The following PITPNM3 variants were observed in gnomAD, a reference collection of about 807,000 sequenced individuals.
PITPNM3 encodes the protein PITPNM family member 3.
In PITPNM3, 26 loss-of-function variants were observed where a neutral mutation model predicts 102.0. The ratio of observed to expected loss-of-function variants is 0.25; its 90% CI spans 0.19 to 0.35. PITPNM3 has a LOEUF of 0.35. Ranked by LOEUF, PITPNM3 falls within the 10% of genes least tolerant of loss-of-function variation. The pLI, the probability that PITPNM3 is intolerant of heterozygous loss-of-function variation, is 1.00. For missense variants in PITPNM3, 1,083 were observed against 1,346.1 expected (o/e 0.80, Z 3.06); for synonymous variants, 578 against 558.6 (o/e 1.03, Z -0.49).
chr17:6,538,789 C>T (rs1375513030), intron 1 of PITPNM3, among the ~76,000 whole-genome samples: 1 of 152,192 alleles, frequency 6.6e-6, no homozygotes, highest in African/African-American at 2.4e-5. Flanking sequence ...ATTGGAGGAG[C>T]CCACCTGGCC....
At chr17:6,501,693 C>G (rs1305099763) in intron 4 of PITPNM3, among the ~76,000 whole-genome samples, 1 of 152,182 alleles carries the variant, frequency 6.6e-6, no homozygotes, top group African/African-American at 2.4e-5. Flanking sequence ...TCTGCAGCCA[C>G]TCTGCAAGCT....
In PITPNM3 at chr17:6,517,091, A is replaced by G. The variant is rs528015367; in HGVS notation, c.226+8265T>C. Among the ~76,000 whole-genome samples the G allele has an allele frequency of 6.6e-6, 1 of 152,358 alleles. No homozygotes were observed. Among genetic ancestry groups the G allele is most frequent in the African/African-American group, 2.4e-5 (1 of 41,584 alleles). On this transcript the variant is annotated intron_variant, in intron 3 of 19. Coordinates refer to ENST00000262483, the MANE Select transcript of PITPNM3 (RefSeq NM_031220.4). This position sits in a 1 kb window ranked among gnomAD's most constrained non-coding sequence, Gnocchi z 4.1. ...GAGCAAGCAAAATAAAGACATGTTT[A>G]GCAATGCAAGGACCTAGAAAATTGC...
intron 18 of PITPNM3, 37 bp downstream of exon 18, chr17:6,461,336 C>T (rs1369605662): frequency 1.2e-6 from 2 of 1,605,394 alleles, no homozygotes; most frequent in South Asian, 2.2e-5. Context: ...GCTGCGCTCT[C>T]AAGCCATGGA....
chr17:6,457,745 G>T lies in PITPNM3; in HGVS notation c.2491-23C>A, dbSNP rs374737546. 7.3e-5 allele frequency: 114 copies of T among 1,566,384 alleles called. No individual in the cohort carries two copies. In the African/African-American group the frequency reaches 1.3e-3, roughly 18 times the overall value. The stretch of plus-strand genomic sequence containing the variant: ...GCACTGAAACACAGGGCAGGCATAG[G>T]GGGAGAGTGAGGCCAGCCCACCCCC... On this transcript the variant is annotated intron_variant, in intron 18 of 19. Coordinates refer to ENST00000262483, the MANE Select transcript of PITPNM3 (RefSeq NM_031220.4). This position sits in a 1 kb window ranked among gnomAD's most constrained non-coding sequence, Gnocchi z 4.7.
At chr17:6,549,455 C>A (rs1339896079) in intron 1 of PITPNM3, among the ~76,000 whole-genome samples, 2 of 152,196 alleles carry the variant, frequency 1.3e-5, no homozygotes, top group African/African-American at 4.8e-5. Flanking sequence ...CTGTGTGGGG[C>A]CCCAGTGCTG....
At chr17:6,531,365 T>G (rs993963056) in intron 2 of PITPNM3, among the ~76,000 whole-genome samples, 2 of 152,216 alleles carry the variant, frequency 1.3e-5, no homozygotes, top group Admixed American at 1.3e-4. Context: ...AAAGACCGTT[T>G]CATTTTTCTC....
intron 1 of PITPNM3, among the ~76,000 whole-genome samples, chr17:6,543,062 G>A (rs1003807646): frequency 2.0e-5 from 3 of 152,164 alleles, no homozygotes; most frequent in Non-Finnish European, 4.4e-5. Flanking sequence ...GGATGAAAGA[G>A]AAGGGGAATA....
In PITPNM3 at chr17:6,478,724, G is replaced by A. The variant is rs759395001; in HGVS notation, c.600C>T (p.Tyr200=). 1.3e-6 allele frequency: 2 copies of A among 1,579,648 alleles called. No homozygotes were observed. Among genetic ancestry groups the A allele is most frequent in the African/African-American group, 1.3e-5 (1 of 74,398 alleles). The change falls in exon 7 of 20, where the codon TAC becomes TAT. Residue 200 remains tyrosine (Y), a synonymous_variant. Coordinates refer to ENST00000262483, the MANE Select transcript of PITPNM3 (RefSeq NM_031220.4). This position sits in a 1 kb window ranked among gnomAD's most constrained non-coding sequence, Gnocchi z 4.4. ...AFSLVSHLNP[Y]SHDEGCLSSS... is the part of the protein sequence containing the mutation. ...TGCTGAGGCAGCCCTCATCGTGGCTGTAGGGGTTCAGGCTGCAGACAGGGG... is the reference window on the plus strand; with the variant it reads ...TGCTGAGGCAGCCCTCATCGTGGCTATAGGGGTTCAGGCTGCAGACAGGGG...
rs527763836 is a variant in PITPNM3 at position 6,511,969 on chromosome 17, G to A, written c.227-8395C>T. On this transcript the variant is annotated intron_variant, in intron 3 of 19. Transcript: ENST00000262483. ...CAAAAAAGAAAGGTCTGTGGCCAGT[G>A]ATGGAGGCAGCACAGAAGGAACAGC... 2.8e-4 allele frequency among the ~76,000 whole-genome samples: 43 copies of A among 152,340 alleles called. No individual in the cohort carries two copies. The South Asian group carries it at 6.2e-3, about 22-fold the overall frequency.
chr17:6,554,971 A>G (rs1910522651), intron 1 of PITPNM3, among the ~76,000 whole-genome samples: 1 of 152,190 alleles, frequency 6.6e-6, no homozygotes, highest in South Asian at 2.1e-4. Context: ...GTCCCAGTGC[A>G]CACACACACT....
intron 4 of PITPNM3, among the ~76,000 whole-genome samples, chr17:6,495,540 T>C (rs1906753501): frequency 1.3e-5 from 2 of 152,172 alleles, no homozygotes; most frequent in South Asian, 2.1e-4. Flanking sequence ...GGCCATCCCA[T>C]GCTCCAGAGA....
rs1402463561 is a variant in PITPNM3, at chr17:6,478,540, G to A, written c.777+7C>T. On this transcript the variant is annotated splice_region_variant and intron_variant, in intron 7 of 19. Transcript: ENST00000262483. This position sits in a 1 kb window ranked among gnomAD's most constrained non-coding sequence, Gnocchi z 4.4. The stretch of plus-strand genomic sequence containing the variant: ...AGGGGAGAGGAGGAGAGGGCAGGCT[G>A]TCCTACCTGCCCACTGAAGCCAATC... 1 of 1,613,820 alleles carries A rather than the reference G, an allele frequency of 6.2e-7. No individual in the cohort carries two copies. The highest frequency in any genetic ancestry group is 8.5e-7 in the Non-Finnish European group (1 of 1,179,978).
Position 6,472,906 on chromosome 17 carries a change from G to T in PITPNM3, c.1259-79C>A. ...GCCCTAGGAGGCTCCCTGGAATGCA[G>T]CCTGGAGTAGCCTACTCCCCTCTCA... On this transcript the variant is annotated intron_variant, in intron 10 of 19. Coordinates refer to ENST00000262483, the MANE Select transcript of PITPNM3 (RefSeq NM_031220.4). The surrounding 1 kb of genome is among the most constrained non-coding windows in gnomAD (Gnocchi z 4.1). 2 of 1,508,298 alleles carry T rather than the reference G, an allele frequency of 1.3e-6. No homozygotes were observed. The highest frequency in any genetic ancestry group is 1.2e-5 in the South Asian group (1 of 85,204). The allele number at this position is 1,508,298 out of a possible 1,614,324, so 93.4% of individuals were successfully genotyped here. A position where few individuals can be genotyped will look rare whatever the true frequency, so the allele number is the denominator to read the frequency against.
intron 2 of PITPNM3, among the ~76,000 whole-genome samples, chr17:6,534,678 T>C (rs1291566250): frequency 6.6e-6 from 1 of 152,194 alleles, no homozygotes; most frequent in Non-Finnish European, 1.5e-5. Flanking sequence ...AGGAAGGAGA[T>C]ACACTGTTCC....
In PITPNM3 at chr17:6,455,118, G is replaced by T; in HGVS notation, c.*220C>A. 2 of 582,142 alleles carry T rather than the reference G, an allele frequency of 3.4e-6. No individual in the cohort carries two copies. The highest frequency in any genetic ancestry group is 2.5e-5 in the South Asian group (1 of 40,736). The allele number at this position is 582,142 out of a possible 1,614,324, so 36.1% of individuals were successfully genotyped here. ...TGCGGTCGCAGGCCCGTGGGAGGCAGCAGTGGCTGCACCGAGATCCCCGGA... is the reference window on the plus strand; with the variant it reads ...TGCGGTCGCAGGCCCGTGGGAGGCATCAGTGGCTGCACCGAGATCCCCGGA... On this transcript the variant is annotated 3_prime_UTR_variant, in exon 20 of 20. Coordinates refer to ENST00000262483, the MANE Select transcript of PITPNM3 (RefSeq NM_031220.4).
intron 8 of PITPNM3, 30 bp downstream of exon 8, chr17:6,477,945 C>G (rs1905408381): frequency 1.2e-6 from 2 of 1,608,938 alleles, no homozygotes; most frequent in East Asian, 4.5e-5. Flanking sequence ...ATGGGCATAC[C>G]CCTCCCGCGG....
chr17:6,505,879 G>A (rs940467245), intron 3 of PITPNM3, among the ~76,000 whole-genome samples: 4 of 152,130 alleles, frequency 2.6e-5, no homozygotes, highest in Non-Finnish European at 5.9e-5. Context: ...GGGGAGAGAC[G>A]GGGAGGGAAA....
intron 1 of PITPNM3, among the ~76,000 whole-genome samples, chr17:6,548,248 G>T (rs575826575): frequency 6.6e-6 from 1 of 152,258 alleles, no homozygotes; most frequent in South Asian, 2.1e-4. Flanking sequence ...GGTTGCCTCT[G>T]CCCCCAGGCC....
chr17:6,485,568 C>A (rs1403010687), intron 4 of PITPNM3, among the ~76,000 whole-genome samples: 1 of 152,096 alleles, frequency 6.6e-6, no homozygotes, highest in Non-Finnish European at 1.5e-5. Context: ...TTGAAGTTAA[C>A]AGAGAAATAA....
Sources: allele counts gnomAD v4.1 joint callset (sites outside exome capture counted in the v4.1 genomes callset), GRCh38; gene constraint gnomAD v4.1.1; non-coding constraint Gnocchi (gnomAD v3.1); transcripts MANE v1.5; gene names NCBI Gene and HGNC (gene_info 2026-07-23, HGNC 2026-07-21).